CDYL2: variants seen among roughly 807,000 people sequenced by gnomAD.
CDYL2 encodes chromodomain Y-like protein 2.
A neutral mutation model predicts 49.4 loss-of-function variants in CDYL2; 23 were observed. The ratio of observed to expected loss-of-function variants is 0.47; its 90% CI spans 0.34 to 0.66. CDYL2 has a LOEUF of 0.66. CDYL2 is among the 30% of genes least tolerant of loss of function. The pLI, the probability that CDYL2 is intolerant of heterozygous loss-of-function variation, is 0.01. For synonymous variants in CDYL2, 360 were observed against 268.8 expected (o/e 1.34, Z -3.32); for missense variants, 678 against 656.4 (o/e 1.03, Z -0.36).
intron 3 of CDYL2, among the ~76,000 whole-genome samples, chr16:80,631,395 C>T (rs534621936): frequency 1.3e-5 from 2 of 152,266 alleles, no homozygotes; most frequent in East Asian, 1.9e-4. Flanking sequence ...ACCTTTGTGC[C>T]GTCAAGAATC....
At chr16:80,716,649 T>A (rs1167004265) in intron 1 of CDYL2, among the ~76,000 whole-genome samples, 1 of 148,348 alleles carries the variant, frequency 6.7e-6, no homozygotes, top group Non-Finnish European at 1.5e-5. Flanking sequence ...GGATGATACA[T>A]GGATGACTGG....
Position 80,734,416 on chromosome 16 carries a change from G to C in CDYL2, c.25-49287C>G, listed in dbSNP as rs544240587. Among the ~76,000 whole-genome samples, 10 of 152,218 alleles carry C rather than the reference G, an allele frequency of 6.6e-5. No individual in the cohort carries two copies. The South Asian group carries it at 2.1e-3, about 32-fold the overall frequency. Reference sequence around the variant, plus strand: ...GTTAAGACAGATCCATGAGCCATGAGGACAACAACACTAAAGACTAATGCA... The same window carrying C: ...GTTAAGACAGATCCATGAGCCATGACGACAACAACACTAAAGACTAATGCA... On this transcript the variant is annotated intron_variant, in intron 1 of 6. Transcript: ENST00000570137.
In CDYL2 at chr16:80,712,189, G is replaced by GTACATATATATATATATA. The variant is rs527296483; in HGVS notation, c.25-27061_25-27060insTATATATATATATATGTA. Among the ~76,000 whole-genome samples the GTACATATATATATATATA allele has an allele frequency of 1.5e-4, 11 of 75,858 alleles. 1 individual carries two copies. Among genetic ancestry groups the GTACATATATATATATATA allele is most frequent in the African/African-American group, 3.6e-4 (11 of 30,152 alleles). The allele number at this position is 75,858 out of a possible 152,430, so 49.8% of individuals were successfully genotyped here. A position where few individuals can be genotyped will look rare whatever the true frequency, so the allele number is the denominator to read the frequency against. ...TATATATGTGTCTTTGTGTCTGTGT[G>GTACATATATATATATATA]TGTATATATATATATATATATATAT... is the stretch of plus-strand genomic sequence containing the variant. On this transcript the variant is annotated intron_variant, in intron 1 of 6. Transcript: ENST00000570137.
intron 1 of CDYL2, among the ~76,000 whole-genome samples, chr16:80,689,672 C>T (rs527606108): frequency 1.0e-3 from 154 of 152,278 alleles, no homozygotes; most frequent in Non-Finnish European, 2.0e-3. Flanking sequence ...AACGGCTTCA[C>T]GGAAGTGACG....
intron 1 of CDYL2, among the ~76,000 whole-genome samples, chr16:80,750,739 G>T (rs1157315657): frequency 5.3e-5 from 8 of 152,338 alleles, no homozygotes; most frequent in Admixed American, 2.6e-4. Context: ...ACTATTTCAG[G>T]CTGGGCGCAG....
At chr16:80,750,727 A>T (rs1906102829) in intron 1 of CDYL2, among the ~76,000 whole-genome samples, 1 of 152,228 alleles carries the variant, frequency 6.6e-6, no homozygotes, top group African/African-American at 2.4e-5. Flanking sequence ...TTTTATTAAT[A>T]AACTATTTCA....
intron 1 of CDYL2, among the ~76,000 whole-genome samples, chr16:80,704,876 AC>A (rs1424387047): frequency 1.3e-5 from 2 of 152,086 alleles, no homozygotes; most frequent in Non-Finnish European, 2.9e-5. Context: ...CAAGTTAAGA[AC>A]CCTGATCTCA....
At chr16:80,729,304 G>C (rs1387629882) in intron 1 of CDYL2, among the ~76,000 whole-genome samples, 1 of 151,654 alleles carries the variant, frequency 6.6e-6, no homozygotes, top group Non-Finnish European at 1.5e-5. Flanking sequence ...TGCAATCCTA[G>C]TCTCTGATAA....
At chr16:80,615,542 C>T (rs1302148794) in intron 4 of CDYL2, among the ~76,000 whole-genome samples, 2 of 152,152 alleles carry the variant, frequency 1.3e-5, no homozygotes, top group Non-Finnish European at 2.9e-5. Flanking sequence ...CCTGTCAAGA[C>T]AGCCTCCCTG....
intron 1 of CDYL2, among the ~76,000 whole-genome samples, chr16:80,781,126 G>A (rs1226384077): frequency 1.3e-5 from 2 of 152,172 alleles, no homozygotes; most frequent in Non-Finnish European, 2.9e-5. Context: ...AAAAGTGGCA[G>A]AGTGAAATTT....
chr16:80,780,953 G>C (rs1907244450), intron 1 of CDYL2, among the ~76,000 whole-genome samples: 2 of 152,140 alleles, frequency 1.3e-5, no homozygotes, highest in Non-Finnish European at 2.9e-5. Flanking sequence ...ATCTCAGTAA[G>C]AACAGCAAGC....
At chr16:80,634,779 T>C (rs1262249321) in intron 2 of CDYL2, among the ~76,000 whole-genome samples, 3 of 152,190 alleles carry the variant, frequency 2.0e-5, no homozygotes, top group Admixed American at 6.5e-5. Context: ...AAATACATCA[T>C]CTCATCTGAA....
At chr16:80,611,903 T>G (rs1013430116) in intron 5 of CDYL2, among the ~76,000 whole-genome samples, 4 of 152,224 alleles carry the variant, frequency 2.6e-5, no homozygotes, top group African/African-American at 9.6e-5. Flanking sequence ...GCCGCCTCTG[T>G]TGGACAGTGG....
chr16:80,707,681 G>A (rs969939008), intron 1 of CDYL2, among the ~76,000 whole-genome samples: 1 of 152,124 alleles, frequency 6.6e-6, no homozygotes, highest in African/African-American at 2.4e-5. Context: ...CAATGCTTAA[G>A]TCATAATCCT....
chr16:80,763,877 A>G (rs757081868), intron 1 of CDYL2, among the ~76,000 whole-genome samples: 3 of 152,190 alleles, frequency 2.0e-5, no homozygotes, highest in Non-Finnish European at 4.4e-5. Flanking sequence ...GGGAGACCAT[A>G]AGTAAGCTTA....
At chr16:80,748,248 C>T (rs1270364555) in intron 1 of CDYL2, among the ~76,000 whole-genome samples, 2 of 145,738 alleles carry the variant, frequency 1.4e-5, no homozygotes, top group African/African-American at 2.5e-5. Flanking sequence ...GTGGGTGGAC[C>T]GGGCGCGCTG....
intron 2 of CDYL2, among the ~76,000 whole-genome samples, chr16:80,655,599 C>T (rs1004609614): frequency 6.6e-6 from 1 of 152,152 alleles, no homozygotes. Context: ...CTGAGGCCAT[C>T]TTACCAAATA....
At chr16:80,743,753 ATTGT>A (rs1905831106) in intron 1 of CDYL2, among the ~76,000 whole-genome samples, 1 of 151,942 alleles carries the variant, frequency 6.6e-6, no homozygotes, top group Non-Finnish European at 1.5e-5. Context: ...ATCAGTTCAA[ATTGT>A]TTTAGTATTT....
chr16:80,643,360 T>C (rs1334117751), intron 2 of CDYL2, among the ~76,000 whole-genome samples: 1 of 152,186 alleles, frequency 6.6e-6, no homozygotes, highest in Non-Finnish European at 1.5e-5. Context: ...TGGGTTGGCA[T>C]TGAGTGTCTG....
Sources: allele counts gnomAD v4.1 joint callset (sites outside exome capture counted in the v4.1 genomes callset), GRCh38; gene constraint gnomAD v4.1.1; transcripts MANE v1.5; gene names NCBI Gene and HGNC (gene_info 2026-07-23, HGNC 2026-07-21).